IFT172: variants seen among roughly 807,000 people sequenced by gnomAD.
IFT172 encodes intraflagellar transport 172.
IFT172 carries 164 observed loss-of-function variants against 248.9 expected under a neutral mutation model. The ratio of observed to expected loss-of-function variants is 0.66; its 90% CI spans 0.58 to 0.75. IFT172 has a LOEUF of 0.75. Among genes scored for constraint, IFT172 ranks in the 30% least tolerant of loss-of-function variants. IFT172 has a pLI of 0.00. For synonymous variants in IFT172, 729 were observed against 791.6 expected (o/e 0.92, Z 1.33); for missense variants, 1,950 against 2,192.4 (o/e 0.89, Z 2.21).
chr2:27,466,495 G>A (rs1041735187), intron 16 of IFT172, among the ~76,000 whole-genome samples: 1 of 152,170 alleles, frequency 6.6e-6, no homozygotes, highest in African/African-American at 2.4e-5. Flanking sequence ...AAAAGAAATG[G>A]TTACAGATCA....
chr2:27,481,868 T>A (rs1164161077), intron 7 of IFT172, among the ~76,000 whole-genome samples: 14 of 151,972 alleles, frequency 9.2e-5, no homozygotes, highest in Admixed American at 9.2e-4. Context: ...ATGCACCTGG[T>A]AAAGCTCCTC....
In IFT172 at chr2:27,487,741, C is replaced by CT. The variant is rs1668868899; in HGVS notation, c.39+1873_39+1874insA. Among the ~76,000 whole-genome samples, 5 of 151,848 alleles carry CT rather than the reference C, an allele frequency of 3.3e-5. No homozygotes were observed. In the South Asian group the frequency reaches 1.0e-3, roughly 32 times the overall value. ...CCGAGTAGCTGGGATTACAGGCATG[C>CT]GCCACCACATCTAGCTAATTTTTGT... On this transcript the variant is annotated intron_variant, in intron 1 of 47. Transcript: ENST00000260570.
intron 23 of IFT172, 63 bp from the exon 24 acceptor site, chr2:27,459,892 G>A (rs1227450185): frequency 1.3e-6 from 2 of 1,593,490 alleles, no homozygotes; most frequent in Admixed American, 3.4e-5. Context: ...GAAAAAGGTA[G>A]GACAGGGAGA....
rs71401571 is a variant in IFT172, at chr2:27,481,425, T to TCACA, written c.571-169_571-166dup. 2.8e-3 allele frequency among the ~76,000 whole-genome samples: 409 copies of TCACA among 145,228 alleles called. 1 individual carries two copies. The highest frequency in any genetic ancestry group is 6.6e-3 in the African/African-American group (261 of 39,352). On this transcript the variant is annotated intron_variant, in intron 7 of 47. Transcript: ENST00000260570. Reference sequence around the variant, plus strand: ...CTAATCCTGAACTCTTCACAAATTGTCACACACACACACACACACACACAC... The same window carrying TCACA: ...CTAATCCTGAACTCTTCACAAATTGTCACACACACACACACACACACACACACAC...
At chr2:27,462,656 T>G (rs776365187) in intron 20 of IFT172, 45 bp downstream of exon 20, 40 of 1,543,472 alleles carry the variant, frequency 2.6e-5, no homozygotes, top group Non-Finnish European at 3.5e-5. Context: ...TTCTCTCTTT[T>G]TCCCTCATAT....
intron 14 of IFT172, chr2:27,475,563 A>G (rs1211798930): frequency 6.6e-6 from 1 of 152,222 alleles, no homozygotes; most frequent in African/African-American, 2.4e-5. Context: ...TCTCTTTATC[A>G]TTCCAATTTT....
In IFT172 at chr2:27,454,315, C is replaced by A; in HGVS notation, c.3530+39G>T. 1 of 1,613,000 alleles carries A rather than the reference C, an allele frequency of 6.2e-7. No individual in the cohort carries two copies. The highest frequency in any genetic ancestry group is 8.5e-7 in the Non-Finnish European group (1 of 1,179,046). On this transcript the variant is annotated intron_variant, in intron 32 of 47. Coordinates refer to ENST00000260570, the MANE Select transcript of IFT172 (RefSeq NM_015662.3). The surrounding 1 kb of genome is among the most constrained non-coding windows in gnomAD (Gnocchi z 4.2). Reference sequence around the variant, plus strand: ...ATCATGAAAGATCCTGGGACGGTGACTGGGGAAACAGTATTAAGGAATGTA... The same window carrying A: ...ATCATGAAAGATCCTGGGACGGTGAATGGGGAAACAGTATTAAGGAATGTA...
At chr2:27,484,128 T>C in intron 4 of IFT172, 99 bp downstream of exon 4, 1 of 1,527,612 alleles carries the variant, frequency 6.5e-7, no homozygotes, top group Non-Finnish European at 9.1e-7. Flanking sequence ...AAAAGTCACA[T>C]TCAGATGTTA....
chr2:27,479,964 G>A lies in IFT172; in HGVS notation c.909+62C>T, dbSNP rs1572821203. 13 of 1,574,834 alleles carry A rather than the reference G, an allele frequency of 8.3e-6. No homozygotes were observed. The East Asian group carries it at 1.6e-4, about 19-fold the overall frequency. ...TCAGGGAACAGTGCTTTAGGATAAG[G>A]CAGGATTTTTTTCTAGTTTGGTGAA... On this transcript the variant is annotated intron_variant, in intron 9 of 47. Coordinates refer to ENST00000260570, the MANE Select transcript of IFT172 (RefSeq NM_015662.3).
chr2:27,447,023 A>T (rs1665192855), intron 42 of IFT172, among the ~76,000 whole-genome samples: 1 of 148,334 alleles, frequency 6.7e-6, no homozygotes, highest in Non-Finnish European at 1.5e-5. Flanking sequence ...TTATGTTTTT[A>T]GTAGAGATGG....
rs1666602140 is a variant in IFT172 at position 27,460,877 on chromosome 2, T to G, written c.2521+138A>C. 3 of 899,754 alleles carry G rather than the reference T, an allele frequency of 3.3e-6. No homozygotes were observed. In the South Asian group the frequency reaches 4.7e-5, roughly 14 times the overall value. 55.7% of individuals were successfully genotyped at this position (899,754 alleles called of 1,614,324 possible). A position where few individuals can be genotyped will look rare whatever the true frequency, so the allele number is the denominator to read the frequency against. The stretch of plus-strand genomic sequence containing the variant: ...TCTATACTTTGTCTCTGTGTCTTTT[T>G]CTTTTCCAAATCTCTCGTCCCACCT... On this transcript the variant is annotated intron_variant, in intron 23 of 47. Coordinates refer to ENST00000260570, the MANE Select transcript of IFT172 (RefSeq NM_015662.3).
At chr2:27,466,652 C>T (rs1489909035) in intron 16 of IFT172, among the ~76,000 whole-genome samples, 1 of 152,020 alleles carries the variant, frequency 6.6e-6, no homozygotes, top group Non-Finnish European at 1.5e-5. Context: ...AAACCAACCA[C>T]TATGAAAAAG....
chr2:27,449,833 T>C (rs1337698266), intron 36 of IFT172, 33 bp from the exon 37 acceptor site: 1 of 1,538,064 alleles, frequency 6.5e-7, no homozygotes, highest in Admixed American at 1.7e-5. Flanking sequence ...GGAGACTTTC[T>C]CCTCGCTCCC....
chr2:27,451,285 T>C (rs917365326), intron 35 of IFT172, among the ~76,000 whole-genome samples: 1 of 152,196 alleles, frequency 6.6e-6, no homozygotes, highest in Non-Finnish European at 1.5e-5. Flanking sequence ...TAATCTGCCC[T>C]GTCTGCATCA....
In IFT172 at chr2:27,465,497, A is replaced by T. The variant is rs764857363; in HGVS notation, c.1851T>A (p.Thr617=). The change falls in exon 18 of 48, where the codon ACT becomes ACA. Residue 617 remains threonine (T), a synonymous_variant. Coordinates refer to ENST00000260570, the MANE Select transcript of IFT172 (RefSeq NM_015662.3). Reference sequence around the variant, plus strand: ...CCTCTGTTTCTGGGGTCATTTCCAGAGTCTCTAAGAAGGCTGTTGCCCTGG... The same window carrying T: ...CCTCTGTTTCTGGGGTCATTTCCAGTGTCTCTAAGAAGGCTGTTGCCCTGG... ...NYIRATAFLE[T]LEMTPETEAM... is the part of the protein sequence containing the mutation. 6.2e-7 allele frequency: 1 copy of T among 1,614,024 alleles called. No individual in the cohort carries two copies. The highest frequency in any genetic ancestry group is 1.1e-5 in the South Asian group (1 of 91,074).
intron 43 of IFT172, 80 bp from the exon 44 acceptor site, chr2:27,446,068 G>A (rs1158570642): frequency 1.9e-6 from 3 of 1,546,260 alleles, no homozygotes; most frequent in Non-Finnish European, 2.7e-6. Flanking sequence ...ATGCAAATGG[G>A]AGTGAGCAAG....
At chr2:27,462,089 T>C (rs1358835619) in intron 20 of IFT172, among the ~76,000 whole-genome samples, 1 of 152,152 alleles carries the variant, frequency 6.6e-6, no homozygotes, top group Non-Finnish European at 1.5e-5. Flanking sequence ...TGAAGTGCAG[T>C]TGTGTGATCT....
At chr2:27,485,547 G>A (rs777461959) in intron 1 of IFT172, 44 bp from the exon 2 acceptor site, 1 of 1,607,856 alleles carries the variant, frequency 6.2e-7, no homozygotes, top group Admixed American at 1.7e-5. Flanking sequence ...TGCTGGTCTA[G>A]AATGCCAAAA....
intron 9 of IFT172, 40 bp from the exon 10 acceptor site, chr2:27,479,644 G>C: frequency 8.2e-7 from 1 of 1,219,754 alleles, no homozygotes; most frequent in Non-Finnish European, 1.2e-6. Flanking sequence ...CACACACATA[G>C]TACACTGGCA....
Sources: gnomAD v4.1 joint callset for allele counts (sites outside exome capture counted in the v4.1 genomes callset) on GRCh38, gnomAD v4.1.1 for gene constraint, Gnocchi (gnomAD v3.1) non-coding constraint, MANE v1.5 for transcripts, NCBI Gene and HGNC (gene_info 2026-07-23, HGNC 2026-07-21) for gene names.